LARGE1: variants seen among roughly 807,000 people sequenced by gnomAD.
LARGE1 encodes xylosyl- and glucuronyltransferase LARGE1.
LARGE1 carries 43 observed loss-of-function variants against 87.6 expected under a neutral mutation model. That is an observed-to-expected ratio of 0.49 (90% CI 0.38 to 0.63). LARGE1 has a LOEUF of 0.63. Among genes scored for constraint, LARGE1 ranks in the 30% least tolerant of loss-of-function variants. The pLI is 0.00. For synonymous variants in LARGE1, 434 were observed against 394.6 expected (o/e 1.10, Z -1.18); for missense variants, 802 against 1,000.2 (o/e 0.80, Z 2.67).
At chr22:33,471,923 G>A (rs1455476030) in intron 6 of LARGE1, among the ~76,000 whole-genome samples, 2 of 152,122 alleles carry the variant, frequency 1.3e-5, no homozygotes, top group Non-Finnish European at 2.9e-5. Flanking sequence ...GGTGGCGGGT[G>A]CCTGTAATCC....
At chr22:33,489,913 GGGT>G (rs1341891793) in intron 6 of LARGE1, among the ~76,000 whole-genome samples, 1 of 152,158 alleles carries the variant, frequency 6.6e-6, no homozygotes, top group Non-Finnish European at 1.5e-5. Context: ...GGGCTGGGCT[GGGT>G]GGTGTTGCTG....
chr22:33,531,493 C>T (rs1394444772), intron 6 of LARGE1, among the ~76,000 whole-genome samples: 2 of 152,168 alleles, frequency 1.3e-5, no homozygotes, highest in Admixed American at 6.5e-5. Flanking sequence ...ATCTCTCCAA[C>T]TACCTGGATG....
intron 11 of LARGE1, among the ~76,000 whole-genome samples, chr22:33,214,342 T>G (rs2146239888): frequency 6.6e-6 from 1 of 152,292 alleles, no homozygotes; most frequent in East Asian, 1.9e-4. Flanking sequence ...TAATACTGGA[T>G]TAGGGCCCAA....
At chr22:33,368,055 G>A (rs1247703387) in intron 9 of LARGE1, among the ~76,000 whole-genome samples, 2 of 152,116 alleles carry the variant, frequency 1.3e-5, no homozygotes, top group Non-Finnish European at 2.9e-5. Context: ...TCTTTGAAAT[G>A]TATTGATGTC....
intron 2 of LARGE1, among the ~76,000 whole-genome samples, chr22:33,653,790 GTGTGT>G (rs2080886134): frequency 6.6e-6 from 1 of 152,138 alleles, no homozygotes; most frequent in African/African-American, 2.4e-5. Context: ...GAGTTGTTCT[GTGTGT>G]TGTATGGGGG....
intron 9 of LARGE1, among the ~76,000 whole-genome samples, chr22:33,353,258 A>C (rs1471139686): frequency 6.6e-6 from 1 of 152,264 alleles, no homozygotes; most frequent in Admixed American, 6.5e-5. Context: ...TGATGTTTAA[A>C]GTCTTGTGAA....
intron 11 of LARGE1, among the ~76,000 whole-genome samples, chr22:33,181,539 T>TC (rs1401914110): frequency 5.3e-5 from 8 of 151,724 alleles, no homozygotes; most frequent in African/African-American, 1.9e-4. Flanking sequence ...TTACTCTTTT[T>TC]TTTTTTTTGA....
chr22:33,875,251 A>G lies in LARGE1; in HGVS notation c.-83+44744T>C, dbSNP rs527292229. ...TCTCTACCCACACCCCACCCTCACC[A>G]TTCTGGAGAGAAAGGCAGGCTGCGG... is the stretch of plus-strand genomic sequence containing the variant. On this transcript the variant is annotated intron_variant, in intron 1 of 14. Coordinates refer to ENST00000397394, the MANE Select transcript of LARGE1 (RefSeq NM_133642.5). Among the ~76,000 whole-genome samples, 40 of 152,272 alleles carry G rather than the reference A, an allele frequency of 2.6e-4. No individual in the cohort carries two copies. In the East Asian group the frequency reaches 7.5e-3, roughly 29 times the overall value.
At chr22:33,324,266 AAAC>A (rs1244583072) in intron 10 of LARGE1, among the ~76,000 whole-genome samples, 2 of 136,872 alleles carry the variant, frequency 1.5e-5, no homozygotes, top group Non-Finnish European at 3.1e-5. Context: ...AAAGCCAAAA[AAAC>A]AAAAACAAAA....
chr22:33,462,741 A>G (rs1326353696), intron 6 of LARGE1, among the ~76,000 whole-genome samples: 2 of 152,214 alleles, frequency 1.3e-5, no homozygotes, highest in Non-Finnish European at 2.9e-5. Flanking sequence ...AGATCATGCC[A>G]CTGTACTCCA....
Position 33,387,284 on chromosome 22 carries a change from G to A in LARGE1, c.893-2980C>T, listed in dbSNP as rs562099340. On this transcript the variant is annotated intron_variant, in intron 7 of 14. Transcript: ENST00000397394. The stretch of plus-strand genomic sequence containing the variant: ...TACTAAAAATACAAAAAAACTAGCC[G>A]GGTGTGGTGGTGCACGCCTGTAGTC... Among the ~76,000 whole-genome samples, 79 of 150,246 alleles carry A rather than the reference G, an allele frequency of 5.3e-4. 3 individuals carry two copies. Among genetic ancestry groups the A allele is most frequent in the African/African-American group, 1.8e-3 (73 of 41,186 alleles).
intron 7 of LARGE1, 26 bp from the exon 8 acceptor site, chr22:33,384,330 GA>G: frequency 6.4e-7 from 1 of 1,551,918 alleles, no homozygotes; most frequent in Middle Eastern, 1.8e-4. Flanking sequence ...GGATAAAAGA[GA>G]AAATTAAAAA....
At chr22:33,710,872 A>T (rs1281189330) in intron 2 of LARGE1, among the ~76,000 whole-genome samples, 1 of 152,212 alleles carries the variant, frequency 6.6e-6, no homozygotes, top group African/African-American at 2.4e-5. Context: ...GTACACGATA[A>T]ATGCTGTATG....
chr22:33,221,169 A>AAGAGAGAGAGAGAGAG (rs112355451), intron 11 of LARGE1, among the ~76,000 whole-genome samples: 1 of 148,886 alleles, frequency 6.7e-6, no homozygotes, highest in African/African-American at 2.5e-5. Flanking sequence ...CGTTGTTAAA[A>AAGAGAGAGAGAGAGAG]AGAGAGAGAG....
At chr22:33,270,260 G>A (rs1043461410), downstream of LARGE1, among the ~76,000 whole-genome samples, 1 of 152,102 alleles carries the variant, frequency 6.6e-6, no homozygotes, top group African/African-American at 2.4e-5. Flanking sequence ...GCAGATAAGT[G>A]ACATTTCATA....
intron 12 of LARGE1, among the ~76,000 whole-genome samples, chr22:33,284,810 T>G (rs754093489): frequency 7.2e-5 from 11 of 152,108 alleles, no homozygotes; most frequent in Non-Finnish European, 1.5e-4. Flanking sequence ...CTCTTGACCT[T>G]GTGATCCGCC....
At chr22:33,826,095 C>T (rs2062775479) in intron 1 of LARGE1, among the ~76,000 whole-genome samples, 1 of 152,150 alleles carries the variant, frequency 6.6e-6, no homozygotes, top group African/African-American at 2.4e-5. Flanking sequence ...TCCACGTCTG[C>T]TATAGCACAA....
chr22:33,087,242 C>G, the LARGE1 span, among the ~76,000 whole-genome samples: 1 of 151,380 alleles, frequency 6.6e-6, no homozygotes, highest in Non-Finnish European at 1.5e-5. Flanking sequence ...AAAATTTGTC[C>G]ATATTTATTT....
intron 6 of LARGE1, among the ~76,000 whole-genome samples, chr22:33,466,209 G>A (rs1344458940): frequency 3.3e-5 from 5 of 152,110 alleles, no homozygotes; most frequent in African/African-American, 9.7e-5. Context: ...CATGGTCAGC[G>A]CCTTTCTGTG....
Sources: gnomAD v4.1 joint callset for allele counts (sites outside exome capture counted in the v4.1 genomes callset) on GRCh38, gnomAD v4.1.1 for gene constraint, MANE v1.5 for transcripts, NCBI Gene and HGNC (gene_info 2026-07-23, HGNC 2026-07-21) for gene names.